The following TCF12 variants were observed in gnomAD, a reference collection of about 807,000 sequenced individuals.
TCF12 encodes transcription factor 12.
In TCF12, 45 loss-of-function variants were observed where a neutral mutation model predicts 86.0. The ratio of observed to expected loss-of-function variants is 0.52; its 90% confidence interval spans 0.41 to 0.67. TCF12 has a LOEUF of 0.67. Ranked by LOEUF, TCF12 falls within the 30% of genes least tolerant of loss-of-function variation. The pLI, the probability that TCF12 is intolerant of heterozygous loss-of-function variation, is 0.00. For missense variants in TCF12, 881 were observed against 859.9 expected, an observed-to-expected ratio of 1.02 and a Z score of -0.31; for synonymous variants, 330 against 299.6, an observed-to-expected ratio of 1.10 and a Z score of -1.05.
intron 8 of TCF12, among the ~76,000 whole-genome samples, chr15:57,213,361 T>C (rs1371155135): frequency 1.3e-5 from 2 of 152,210 alleles, no homozygotes; most frequent in African/African-American, 4.8e-5. Context: ...TTAGCTTTGC[T>C]TTTTTACTTT....
chr15:56,960,587 G>A (rs1313437009), intron 3 of TCF12, among the ~76,000 whole-genome samples: 1 of 151,730 alleles, frequency 6.6e-6, no homozygotes, highest in Non-Finnish European at 1.5e-5. Context: ...CTGCCACCAT[G>A]CACGGCTAAT....
At chr15:56,946,798 C>CTTTTTTTT (rs71113039) in intron 3 of TCF12, among the ~76,000 whole-genome samples, 1 of 113,544 alleles carries the variant, frequency 8.8e-6, no homozygotes, top group Non-Finnish European at 1.8e-5. Flanking sequence ...TCTAAAGTAC[C>CTTTTTTTT]TTTTTTTTTT....
chr15:57,091,490 T>C (rs1596484076), intron 4 of TCF12, among the ~76,000 whole-genome samples: 1 of 152,332 alleles, frequency 6.6e-6, no homozygotes, highest in East Asian at 1.9e-4. Context: ...AGAATTCTTA[T>C]AGCTCCCCAT....
rs1281388706 is a variant in TCF12, at chr15:57,245,170, A to G, written c.1114+1620A>G. ...GCCTTTTTGCACTGTGGCCCTGGCC[A>G]TCACCTATGCTTTGTGTATTAGCCT... On this transcript the variant is annotated intron_variant, in intron 13 of 20. Coordinates refer to ENST00000333725, the MANE Select transcript of TCF12 (RefSeq NM_207037.2). 5.3e-5 allele frequency among the ~76,000 whole-genome samples: 8 copies of G among 152,240 alleles called. No individual in the cohort carries two copies. In the East Asian group the frequency reaches 1.2e-3, roughly 22 times the overall value.
intron 3 of TCF12, among the ~76,000 whole-genome samples, chr15:56,937,078 A>G (rs1280791073): frequency 2.0e-5 from 3 of 152,130 alleles, no homozygotes; most frequent in Non-Finnish European, 2.9e-5. Flanking sequence ...CATTTTCACA[A>G]TATTGATTCT....
intron 5 of TCF12, among the ~76,000 whole-genome samples, chr15:57,110,903 A>T (rs1215758813): frequency 6.6e-6 from 1 of 152,200 alleles, no homozygotes; most frequent in Admixed American, 6.5e-5. Flanking sequence ...AGGGGGGAAA[A>T]TTTGATATGG....
chr15:57,191,144 A>T (rs2056957925), intron 6 of TCF12, among the ~76,000 whole-genome samples: 2 of 152,170 alleles, frequency 1.3e-5, no homozygotes, highest in South Asian at 4.1e-4. Flanking sequence ...GGACTCTCAA[A>T]CCCATGTCAT....
intron 3 of TCF12, among the ~76,000 whole-genome samples, chr15:56,939,998 G>C (rs1052257721): frequency 7.4e-6 from 1 of 134,302 alleles, no homozygotes; most frequent in East Asian, 2.6e-4. Context: ...TTTTGACAGG[G>C]TATATAGCAC....
chr15:57,265,840 G>C (rs1176329636), intron 18 of TCF12, among the ~76,000 whole-genome samples: 1 of 152,134 alleles, frequency 6.6e-6, no homozygotes, highest in Non-Finnish European at 1.5e-5. Flanking sequence ...AACAAACAAA[G>C]AGTTAACGTG....
intron 8 of TCF12, among the ~76,000 whole-genome samples, chr15:57,230,239 C>A (rs1291753051): frequency 1.3e-5 from 2 of 151,870 alleles, no homozygotes; most frequent in Admixed American, 6.6e-5. Flanking sequence ...TTTTTTGTAT[C>A]ATTTCAAACT....
At chr15:57,260,113 T>C (rs1663153408) in intron 16 of TCF12, among the ~76,000 whole-genome samples, 1 of 152,206 alleles carries the variant, frequency 6.6e-6, no homozygotes, top group Non-Finnish European at 1.5e-5. Context: ...AAGCTAATTA[T>C]GTTTAAGTTC....
chr15:57,231,850 A>G (rs1457991894), intron 9 of TCF12, among the ~76,000 whole-genome samples: 3 of 152,192 alleles, frequency 2.0e-5, no homozygotes, highest in African/African-American at 7.2e-5. Context: ...ATAATATGGT[A>G]ATTATCAATT....
chr15:56,929,825 A>G (rs936134608), intron 3 of TCF12, among the ~76,000 whole-genome samples: 1 of 152,174 alleles, frequency 6.6e-6, no homozygotes, highest in Non-Finnish European at 1.5e-5. Flanking sequence ...TTGGCCCAAG[A>G]TGTCATTTTA....
chr15:56,990,248 T>C (rs1159761422), intron 3 of TCF12, among the ~76,000 whole-genome samples: 1 of 139,732 alleles, frequency 7.2e-6, no homozygotes, highest in African/African-American at 3.1e-5. Flanking sequence ...TGTCTGTGTG[T>C]GCGTGTGCGT....
intron 3 of TCF12, among the ~76,000 whole-genome samples, chr15:56,944,197 A>G (rs181430002): frequency 8.8e-4 from 134 of 152,312 alleles, no homozygotes; most frequent in Non-Finnish European, 1.6e-3. Context: ...TTATTTCCAT[A>G]GGGCCATATT....
intron 8 of TCF12, among the ~76,000 whole-genome samples, chr15:57,205,674 A>G (rs968464946): frequency 2.6e-5 from 4 of 152,220 alleles, no homozygotes; most frequent in Non-Finnish European, 5.9e-5. Context: ...ATCCATTCCA[A>G]ACTTATATTC....
Position 57,150,565 on chromosome 15 carries a change from A to G in TCF12, c.326-15837A>G, listed in dbSNP as rs184984304. Among the ~76,000 whole-genome samples the G allele has an allele frequency of 5.8e-3, 884 of 152,298 alleles. 4 individuals are homozygous for G. Among genetic ancestry groups the G allele is most frequent in the Non-Finnish European group, 9.7e-3 (659 of 68,018 alleles). On this transcript the variant is annotated intron_variant, in intron 5 of 20. Coordinates refer to ENST00000333725, the MANE Select transcript of TCF12 (RefSeq NM_207037.2). ...TCTTTGAAGGAATACAGCAAAATCT[A>G]GCACCCAAAAATATAAACATTTTAA...
At chr15:57,192,101 C>T (rs760382335) in intron 6 of TCF12, 57 bp from the exon 7 acceptor site, 11 of 1,584,000 alleles carry the variant, frequency 6.9e-6, no homozygotes, top group Admixed American at 1.8e-5. Context: ...ATGAAATTTT[C>T]AGGTTTGGGT....
Position 57,173,643 on chromosome 15 carries a change from A to G in TCF12, c.390+7177A>G, listed in dbSNP as rs78809513. Among the ~76,000 whole-genome samples the G allele has an allele frequency of 1.5e-3, 230 of 152,268 alleles. 5 individuals carry two copies. The East Asian group carries it at 0.038, about 25-fold the overall frequency. ...TTGACAACTTAGATTAAATAAATGA[A>G]TTCCTTGAAAAATACTTACCAAGAG... On this transcript the variant is annotated intron_variant, in intron 6 of 20. Transcript: ENST00000333725.
Sources: allele counts gnomAD v4.1 joint callset (sites outside exome capture counted in the v4.1 genomes callset), GRCh38; gene constraint gnomAD v4.1.1; transcripts MANE v1.5; gene names NCBI Gene and HGNC (gene_info 2026-07-23, HGNC 2026-07-21).